COL4A2: variants seen among roughly 807,000 people sequenced by gnomAD.
COL4A2 encodes collagen alpha-2(IV) chain.
COL4A2 carries 99 observed loss-of-function variants against 200.2 expected under a neutral mutation model. The observed-to-expected ratio is 0.49, with a 90% CI of 0.42 to 0.58. The LOEUF is 0.58. COL4A2 is among the 20% of genes least tolerant of loss of function. The pLI is 0.00. For synonymous variants in COL4A2, 897 were observed against 900.6 expected (o/e 1.00, Z 0.07); for missense variants, 1,950 against 2,314.1 (o/e 0.84, Z 3.23).
At chr13:110,432,584 C>A (rs1407061491) in intron 11 of COL4A2, among the ~76,000 whole-genome samples, 1 of 152,226 alleles carries the variant, frequency 6.6e-6, no homozygotes, top group African/African-American at 2.4e-5. Context: ...TTGTTGTTTG[C>A]AAATTAATTA....
At chr13:110,427,148 GTTTGT>G in intron 6 of COL4A2, among the ~76,000 whole-genome samples, 2 of 152,306 alleles carry the variant, frequency 1.3e-5, no homozygotes, top group East Asian at 3.9e-4. Flanking sequence ...TTTGAGGTTT[GTTTGT>G]TTTGTGTTGT....
chr13:110,503,706 A>G, intron 43 of COL4A2, 141 bp from the exon 44 acceptor site: 3 of 1,008,796 alleles, frequency 3.0e-6, no homozygotes, highest in Non-Finnish European at 4.5e-6. Flanking sequence ...CAGGCCCGTT[A>G]GTGTCTGGCT....
chr13:110,354,289 C>T (rs959429188), intron 3 of COL4A2, among the ~76,000 whole-genome samples: 1 of 152,058 alleles, frequency 6.6e-6, no homozygotes, highest in Admixed American at 6.5e-5. Flanking sequence ...GCCTCCCTCA[C>T]GTGTAGTAAA....
chr13:110,361,862 G>A (rs761197811), intron 4 of COL4A2, among the ~76,000 whole-genome samples: 2 of 152,214 alleles, frequency 1.3e-5, no homozygotes, highest in Non-Finnish European at 2.9e-5. Context: ...GGGCAGAGCT[G>A]GGAGGAGCTG....
chr13:110,385,522 T>A (rs1160823408), intron 4 of COL4A2, among the ~76,000 whole-genome samples: 1 of 70,906 alleles, frequency 1.4e-5, no homozygotes, highest in South Asian at 4.2e-4. Context: ...TAGGCCGTGG[T>A]TACAGTGCGT....
At position 110,438,578 on chromosome 13, in the gene COL4A2, C is replaced by A. The variant is rs368193373; in HGVS notation, c.862-40C>A. On this transcript the variant is annotated intron_variant, in intron 14 of 47. Coordinates refer to ENST00000360467, the MANE Select transcript of COL4A2 (RefSeq NM_001846.4). ...TGGGCCCTGTTGGCTGGAGGGGCCG[C>A]CCCTGGGTTGCTCCTTACGCCCCCT... The A allele has an allele frequency of 2.4e-5, 38 of 1,613,728 alleles. 1 individual carries two copies. The Middle Eastern group carries it at 1.5e-3, about 63-fold the overall frequency.
chr13:110,504,324 CTG>C lies in COL4A2; in HGVS notation c.4402+63_4402+64del, dbSNP rs1883767851. 4.3e-6 allele frequency: 6 copies of C among 1,403,710 alleles called. No individual in the cohort carries two copies. In the Admixed American group the frequency reaches 5.1e-5, roughly 12 times the overall value. The allele number at this position is 1,403,710 out of a possible 1,614,324, so 87.0% of individuals were successfully genotyped here. The stretch of plus-strand genomic sequence containing the variant: ...TAGTGCTCTGGATCTGACTCACAGA[CTG>C]TGGTCTGCAGGAAGGGGACACACGA... On this transcript the variant is annotated intron_variant, in intron 45 of 47. Transcript: ENST00000360467.
chr13:110,380,324 T>C (rs941495485), intron 4 of COL4A2, among the ~76,000 whole-genome samples: 6 of 152,194 alleles, frequency 3.9e-5, no homozygotes, highest in Non-Finnish European at 7.3e-5. Context: ...ACATGAGTTA[T>C]CAGTATTGTT....
At position 110,449,684 on chromosome 13, in the gene COL4A2, A is replaced by C. The variant is rs1450347637; in HGVS notation, c.1084A>C (p.Arg362=). Residue 362 remains arginine (R), a synonymous_variant, in exon 19 of 48, where the codon AGA becomes CGA. Coordinates refer to ENST00000360467, the MANE Select transcript of COL4A2 (RefSeq NM_001846.4). ...GGGACTTGTTTCCCTTCCAGGTGCC[A>C]GAGGTGACCCGGGATTCCCAGGGGC... The part of the protein sequence containing the change: ...SPHPSLAKGA[R]GDPGFPGAQG... 1 of 1,547,714 alleles carries C rather than the reference A, an allele frequency of 6.5e-7. No homozygotes were observed. Among genetic ancestry groups the C allele is most frequent in the Non-Finnish European group, 8.7e-7 (1 of 1,144,946 alleles).
At chr13:110,457,503 G>A (rs765529176) in intron 21 of COL4A2, 68 bp downstream of exon 21, 1 of 920,612 alleles carries the variant, frequency 1.1e-6, no homozygotes, top group Non-Finnish European at 1.8e-6. Flanking sequence ...CTTACAGAAG[G>A]TGAAATCCAT....
At chr13:110,461,438 G>A (rs1275985721) in intron 22 of COL4A2, among the ~76,000 whole-genome samples, 1 of 152,250 alleles carries the variant, frequency 6.6e-6, no homozygotes, top group African/African-American at 2.4e-5. Flanking sequence ...CAGAGCCCAG[G>A]GACACTGAAG....
intron 22 of COL4A2, among the ~76,000 whole-genome samples, chr13:110,461,173 C>T (rs1882012168): frequency 6.6e-6 from 1 of 152,222 alleles, no homozygotes; most frequent in Non-Finnish European, 1.5e-5. Context: ...TTTCTCTCAA[C>T]CTTAACCTCA....
intron 32 of COL4A2, 95 bp from the exon 33 acceptor site, chr13:110,484,797 TGCTTGGGGGAGAC>T: frequency 1.4e-6 from 2 of 1,423,442 alleles, no homozygotes; most frequent in East Asian, 4.7e-5. Context: ...AAGGCTTCCC[TGCTTGGGGGAGAC>T]GTGCAGCCCT....
intron 30 of COL4A2, among the ~76,000 whole-genome samples, chr13:110,479,686 T>C (rs1882827236): frequency 6.6e-6 from 1 of 152,140 alleles, no homozygotes; most frequent in Non-Finnish European, 1.5e-5. Context: ...AGGCAGCCCT[T>C]GGACGGCTTG....
rs746358615 is a variant in COL4A2 at position 110,503,945 on chromosome 13, C to G, written c.4237C>G (p.Pro1413Ala). 3 of 1,579,274 alleles carry G rather than the reference C, an allele frequency of 1.9e-6. No individual in the cohort carries two copies. The highest frequency in any genetic ancestry group is 1.1e-5 in the South Asian group (1 of 88,316). The stretch of plus-strand genomic sequence containing the variant: ...GGGTCCCCAGGGGAGGCGAGGCCCC[C>G]CTGGGGCACCGGGGGAGATGGGGCC... ...TVGPQGRRGP[P>A]GAPGEMGPQG... Residue 1413 changes from proline to alanine, a missense_variant, in exon 44 of 48, where the codon CCT (proline) becomes GCT (alanine). Pro to Ala is a conservative substitution (Grantham distance 27, BLOSUM62 -1). Transcript: ENST00000360467.
chr13:110,330,601 GT>G (rs975256337), intron 3 of COL4A2, among the ~76,000 whole-genome samples: 1 of 152,158 alleles, frequency 6.6e-6, no homozygotes, highest in African/African-American at 2.4e-5. Flanking sequence ...GCATATCTTT[GT>G]TTTTCCAAGT....
chr13:110,504,343 GAC>G (rs1372483116), intron 45 of COL4A2, 79 bp downstream of exon 45: 18 of 1,237,878 alleles, frequency 1.5e-5, no homozygotes, highest in Admixed American at 3.5e-5. Context: ...GCAGGAAGGG[GAC>G]ACACGAGAGC....
intron 4 of COL4A2, among the ~76,000 whole-genome samples, chr13:110,377,852 A>C (rs749399280): frequency 1.3e-5 from 2 of 152,242 alleles, no homozygotes; most frequent in Non-Finnish European, 2.9e-5. Context: ...AACATATCAC[A>C]AGTATATTTC....
At chr13:110,352,240 G>A (rs1483033230) in intron 3 of COL4A2, among the ~76,000 whole-genome samples, 2 of 152,204 alleles carry the variant, frequency 1.3e-5, no homozygotes, top group African/African-American at 2.4e-5. Flanking sequence ...TGGGAGGTAG[G>A]CATAGAAGGA....
Sources: gnomAD v4.1 joint callset for allele counts (sites outside exome capture counted in the v4.1 genomes callset) on GRCh38, gnomAD v4.1.1 for gene constraint, MANE v1.5 for transcripts, NCBI Gene and HGNC (gene_info 2026-07-23, HGNC 2026-07-21) for gene names.